The following CFAP61 variants were observed in gnomAD, a reference collection of about 807,000 sequenced individuals.
CFAP61 encodes the protein cilia- and flagella-associated protein 61.
In CFAP61, 107 loss-of-function variants were observed where a neutral mutation model predicts 135.6. The ratio of observed to expected loss-of-function variants is 0.79; its 90% CI spans 0.67 to 0.93. CFAP61 has a LOEUF of 0.93. CFAP61 is among the 40% of genes least tolerant of loss of function. The pLI, the probability that CFAP61 is intolerant of heterozygous loss-of-function variation, is 0.00. For synonymous variants in CFAP61, 575 were observed against 578.5 expected, an observed-to-expected ratio of 0.99 and a Z score of 0.09; for missense variants, 1,507 against 1,556.2, an observed-to-expected ratio of 0.97 and a Z score of 0.53.
At chr20:20,195,160 T>A (rs924967009) in intron 15 of CFAP61, among the ~76,000 whole-genome samples, 3 of 152,232 alleles carry the variant, frequency 2.0e-5, no homozygotes, top group African/African-American at 7.2e-5. Context: ...CCGGTTACCC[T>A]GAGCTCTGTT....
chr20:20,054,013 G>GTTTTTTTTTTTTTTTTTT (rs1239349657), intron 1 of CFAP61, among the ~76,000 whole-genome samples: 9 of 59,088 alleles, frequency 1.5e-4, no homozygotes, highest in South Asian at 5.8e-4. Flanking sequence ...TTTTTTGTTT[G>GTTTTTTTTTTTTTTTTTT]TTTTTTTTTT....
At chr20:20,288,121 AG>A (rs11087317) in intron 22 of CFAP61, among the ~76,000 whole-genome samples, 62,454 of 151,952 alleles carry the variant, frequency 0.41, 13,589 homozygotes, top group South Asian at 0.52. Context: ...AGCATCATAT[AG>A]GGACAAGCTT....
rs546622334 is a variant in CFAP61, at chr20:20,085,090, C to T, written c.567-5754C>T. 4.5e-4 allele frequency: 448 copies of T among 985,036 alleles called. 9 individuals carry two copies. In the South Asian group the frequency reaches 0.018, roughly 40 times the overall value. 61.0% of individuals were successfully genotyped at this position (985,036 alleles called of 1,614,324 possible). On this transcript the variant is annotated intron_variant, in intron 6 of 26. Transcript: ENST00000245957. ...TTCGCTCAGAGAATTGTACTATTTC[C>T]GTTGCACTCTGTGCTGATCTATAAA...
chr20:20,277,488 C>T (rs1421551731), intron 22 of CFAP61, 30 bp downstream of exon 22: 4 of 1,566,694 alleles, frequency 2.6e-6, no homozygotes, highest in Non-Finnish European at 3.5e-6. Flanking sequence ...CCTCACTCAC[C>T]AGCCAGGGAC....
At chr20:20,308,698 T>C (rs1401565879) in intron 25 of CFAP61, among the ~76,000 whole-genome samples, 1 of 152,122 alleles carries the variant, frequency 6.6e-6, no homozygotes, top group African/African-American at 2.4e-5. Context: ...CAAGTCTTGA[T>C]TTGGGGTTTA....
Position 20,150,935 on chromosome 20 carries a change from A to T in CFAP61, c.951+7987A>T, listed in dbSNP as rs927100801. ...CCTTGAGTTCCAGATTTTTCCACTGACATAGTCTACCCAAATGAGAAGGAA... is the reference window on the plus strand; with the variant it reads ...CCTTGAGTTCCAGATTTTTCCACTGTCATAGTCTACCCAAATGAGAAGGAA... On this transcript the variant is annotated intron_variant, in intron 9 of 26. Transcript: ENST00000245957. Among the ~76,000 whole-genome samples the T allele has an allele frequency of 3.9e-5, 6 of 151,958 alleles. 1 individual carries two copies. The highest frequency in any genetic ancestry group is 3.9e-4 in the Admixed American group (6 of 15,266).
intron 19 of CFAP61, among the ~76,000 whole-genome samples, chr20:20,248,853 A>G (rs2050666040): frequency 6.6e-6 from 1 of 152,122 alleles, no homozygotes; most frequent in South Asian, 2.1e-4. Context: ...CTACTCATCT[A>G]TGCCCTCTTC....
rs960294848 is a variant in CFAP61 at position 20,359,279 on chromosome 20, C to T, written c.3514-931C>T. 4.6e-5 allele frequency among the ~76,000 whole-genome samples: 7 copies of T among 152,180 alleles called. No homozygotes were observed. The highest frequency in any genetic ancestry group is 2.1e-4 in the South Asian group (1 of 4,830). ...ATTCTAAGGTTTTAAAATCCCACTT[C>T]TTGGGAATTATAAGCAAGAAAACTT... On this transcript the variant is annotated intron_variant, in intron 26 of 26. Transcript: ENST00000245957. This position sits in a 1 kb window ranked among gnomAD's most constrained non-coding sequence, Gnocchi z 4.0.
In CFAP61 at chr20:20,056,734, C is replaced by G. The variant is rs991688253; in HGVS notation, c.81C>G (p.Ile27Met). 2 of 1,613,940 alleles carry G rather than the reference C, an allele frequency of 1.2e-6. No homozygotes were observed. Among genetic ancestry groups the G allele is most frequent in the Non-Finnish European group, 1.7e-6 (2 of 1,179,842 alleles). Residue 27 changes from isoleucine (I) to methionine (M), a missense_variant, in exon 2 of 27, where the codon ATC (isoleucine) becomes ATG (methionine). Coordinates refer to ENST00000245957, the MANE Select transcript of CFAP61 (RefSeq NM_015585.4). ...CAGAATCACAGGATGTTTATTGTAT[C>G]AAAAGCCTTATTAGAAAATTTACCT... ...RRTESQDVYC[I>M]KSLIRKFTCK...
At chr20:20,332,428 A>G (rs960792898) in intron 25 of CFAP61, among the ~76,000 whole-genome samples, 1 of 152,348 alleles carries the variant, frequency 6.6e-6, no homozygotes, top group African/African-American at 2.4e-5. Context: ...CCCAACTGCC[A>G]TCTCAATATG....
intron 8 of CFAP61, among the ~76,000 whole-genome samples, chr20:20,126,376 A>G (rs2050066214): frequency 6.6e-6 from 1 of 151,696 alleles, no homozygotes; most frequent in Non-Finnish European, 1.5e-5. Flanking sequence ...TAAGATTTAG[A>G]TCTCCTTTTA....
intron 26 of CFAP61, among the ~76,000 whole-genome samples, chr20:20,344,953 A>G (rs374935358): frequency 6.6e-6 from 1 of 152,332 alleles, no homozygotes; most frequent in Non-Finnish European, 1.5e-5. Flanking sequence ...TTGCAACAAC[A>G]TGGATGGAAC....
At position 20,188,054 on chromosome 20, in the gene CFAP61, C is replaced by G. The variant is rs542125516; in HGVS notation, c.1510C>G (p.Pro504Ala). ...LDRYNKARKD[P>A]DGTLLQAFVA... ...CCGTTACAACAAGGCTCGCAAAGAC[C>G]CTGTAAGTACCTGTTGTGACCAGAC... Residue 504 changes from proline (P) to alanine (A), a missense_variant and splice_region_variant, in exon 14 of 27, where the codon CCT (proline) becomes GCT (alanine). Physicochemically the swap from Pro to Ala is conservative, Grantham distance 27 (BLOSUM62 -1). Transcript: ENST00000245957. 1 of 1,614,042 alleles carries G rather than the reference C, an allele frequency of 6.2e-7. No homozygotes were observed.
At chr20:20,163,834 C>T (rs1261596489) in intron 10 of CFAP61, among the ~76,000 whole-genome samples, 2 of 151,576 alleles carry the variant, frequency 1.3e-5, no homozygotes, top group African/African-American at 2.4e-5. Flanking sequence ...CATGTGTTCT[C>T]ATTGGAGAAC....
rs2050924435 is a variant in CFAP61, at chr20:20,251,678, A to G, written c.2243A>G (p.Asp748Gly). ...NVVVGRMTGIDRAAKHVVLST... is the reference protein window; with the variant it reads ...NVVVGRMTGIGRAAKHVVLST... ...GTGGTGGGTAGAATGACCGGCATAG[A>G]CCGAGCAGCCAAGCACGTTGTGCTT... The change falls in exon 20 of 27, where the codon GAC becomes GGC. Residue 748 changes from aspartate to glycine, a missense_variant. Physicochemically the swap from Asp to Gly is moderately conservative, Grantham distance 94 (BLOSUM62 -1). Coordinates refer to ENST00000245957, the MANE Select transcript of CFAP61 (RefSeq NM_015585.4). The G allele has an allele frequency of 3.1e-6, 5 of 1,614,220 alleles. No homozygotes were observed. Among genetic ancestry groups the G allele is most frequent in the Non-Finnish European group, 4.2e-6 (5 of 1,180,028 alleles).
At chr20:20,337,354 GTGGA>G (rs1299070093) in intron 25 of CFAP61, among the ~76,000 whole-genome samples, 249 of 5,024 alleles carry the variant, frequency 0.05, 7 homozygotes, top group African/African-American at 0.1. Context: ...GGGTGGGTGG[GTGGA>G]TGGATGGATG....
Position 20,085,498 on chromosome 20 carries a change from G to T in CFAP61, c.567-5346G>T, listed in dbSNP as rs770959901. ...GAGCCTCTTCAGAACTCCAAGATTT[G>T]GATGTTTTTCTATTTTTCCCAGAAG... is the stretch of plus-strand genomic sequence containing the variant. On this transcript the variant is annotated intron_variant, in intron 6 of 26. Coordinates refer to ENST00000245957, the MANE Select transcript of CFAP61 (RefSeq NM_015585.4). The T allele has an allele frequency of 2.9e-6, 4 of 1,366,506 alleles. No individual in the cohort carries two copies. In the South Asian group the frequency reaches 4.5e-5, roughly 16 times the overall value. 84.6% of individuals were successfully genotyped at this position (1,366,506 alleles called of 1,614,324 possible).
chr20:20,348,689 CAAAA>C (rs71198052), intron 26 of CFAP61, among the ~76,000 whole-genome samples: 5 of 53,444 alleles, frequency 9.4e-5, no homozygotes, highest in East Asian at 8.3e-4. Context: ...GACTCCGTAT[CAAAA>C]AAAAAAAAAA....
chr20:20,284,873 G>A (rs571311992), intron 22 of CFAP61, among the ~76,000 whole-genome samples: 2 of 152,162 alleles, frequency 1.3e-5, no homozygotes, highest in Non-Finnish European at 2.9e-5. Flanking sequence ...GTCTTTTATA[G>A]ATACTCAGAT....
Sources: allele counts gnomAD v4.1 joint callset (sites outside exome capture counted in the v4.1 genomes callset), GRCh38; gene constraint gnomAD v4.1.1; non-coding constraint Gnocchi (gnomAD v3.1); transcripts MANE v1.5; gene names NCBI Gene and HGNC (gene_info 2026-07-23, HGNC 2026-07-21).